FOXN3: variants seen among roughly 807,000 people sequenced by gnomAD.
FOXN3 encodes forkhead box N3, also known as forkhead box protein N3.
A neutral mutation model predicts 38.4 loss-of-function variants in FOXN3; 7 were observed. The observed-to-expected ratio is 0.18, with a 90% CI of 0.10 to 0.34. The LOEUF is 0.34. FOXN3 is among the 10% of genes least tolerant of loss of function. The pLI is 1.00. For missense variants in FOXN3, 456 were observed against 613.4 expected, an observed-to-expected ratio of 0.74 and a Z score of 2.71; for synonymous variants, 230 against 242.2, an observed-to-expected ratio of 0.95 and a Z score of 0.47.
chr14:89,590,751 C>A (rs1365572970), intron 1 of FOXN3, among the ~76,000 whole-genome samples: 1 of 152,174 alleles, frequency 6.6e-6, no homozygotes, highest in African/African-American at 2.4e-5. Context: ...CGAGAGTCAG[C>A]CGTAAAACCT....
At chr14:89,533,536 G>T (rs984877692) in intron 1 of FOXN3, among the ~76,000 whole-genome samples, 1 of 151,970 alleles carries the variant, frequency 6.6e-6, no homozygotes, top group African/African-American at 2.4e-5. Flanking sequence ...GGTGGCGGGG[G>T]CCTGTAGCCC....
intron 1 of FOXN3, among the ~76,000 whole-genome samples, chr14:89,433,221 C>T (rs764252759): frequency 2.0e-5 from 3 of 152,070 alleles, no homozygotes; most frequent in Non-Finnish European, 4.4e-5. Flanking sequence ...CGGTGGCTCA[C>T]ACCTGTAATC....
chr14:89,288,965 T>C (rs1436200524), intron 3 of FOXN3, among the ~76,000 whole-genome samples: 1 of 151,232 alleles, frequency 6.6e-6, no homozygotes, highest in Non-Finnish European at 1.5e-5. Flanking sequence ...GCGGATCCCT[T>C]GAGGCCAGGA....
chr14:89,250,658 C>A (rs1885426857), intron 4 of FOXN3, among the ~76,000 whole-genome samples: 1 of 152,134 alleles, frequency 6.6e-6, no homozygotes, highest in South Asian at 2.1e-4. Context: ...TTCTTCTGTC[C>A]CCAAACTCAT....
chr14:89,580,967 G>A lies in FOXN3; in HGVS notation c.-15+38061C>T, dbSNP rs186478534. On this transcript the variant is annotated intron_variant, in intron 1 of 6. Transcript: ENST00000345097. Reference sequence around the variant, plus strand: ...GGAGGCCGAGGTAGGAGGATCACCTGAGCCAAGAAGTTCAAGACCAGCCTG... The same window carrying A: ...GGAGGCCGAGGTAGGAGGATCACCTAAGCCAAGAAGTTCAAGACCAGCCTG... Among the ~76,000 whole-genome samples, 12 of 151,780 alleles carry A rather than the reference G, an allele frequency of 7.9e-5. No individual in the cohort carries two copies. In the East Asian group the frequency reaches 1.7e-3, roughly 22 times the overall value.
chr14:89,549,693 T>A (rs1421620143), intron 1 of FOXN3, among the ~76,000 whole-genome samples: 1 of 152,234 alleles, frequency 6.6e-6, no homozygotes, highest in Non-Finnish European at 1.5e-5. Context: ...CAAACATCCA[T>A]AACAGAATCG....
chr14:89,300,408 C>T (rs1204308835), intron 3 of FOXN3, among the ~76,000 whole-genome samples: 1 of 152,092 alleles, frequency 6.6e-6, no homozygotes, highest in African/African-American at 2.4e-5. Flanking sequence ...TCTCGAACTC[C>T]TGACCTCAGG....
In FOXN3 at chr14:89,424,736, T is replaced by A. The variant is rs138179859; in HGVS notation, c.-14-12246A>T. On this transcript the variant is annotated intron_variant, in intron 1 of 6. Transcript: ENST00000345097. ...TACAAAAAAAAAAAAAATAGAAAAA[T>A]TAGCCAGGCATGGTGGCACGTGCCT... 7.4e-4 allele frequency among the ~76,000 whole-genome samples: 111 copies of A among 150,852 alleles called. 1 individual carries two copies. The East Asian group carries it at 0.02, about 27-fold the overall frequency.
chr14:89,396,282 A>G (rs1891096542), intron 2 of FOXN3, among the ~76,000 whole-genome samples: 2 of 152,210 alleles, frequency 1.3e-5, no homozygotes, highest in Admixed American at 1.3e-4. Context: ...GTTTATGTCC[A>G]CTTCCAGTTA....
At chr14:89,255,291 A>G (rs376464040) in intron 4 of FOXN3, among the ~76,000 whole-genome samples, 1 of 152,172 alleles carries the variant, frequency 6.6e-6, no homozygotes, top group South Asian at 2.1e-4. Flanking sequence ...CTGATGCCCA[A>G]ATCTCCAACT....
intron 4 of FOXN3, among the ~76,000 whole-genome samples, chr14:89,240,565 A>G (rs1885110231): frequency 6.6e-6 from 1 of 152,214 alleles, no homozygotes; most frequent in Non-Finnish European, 1.5e-5. Context: ...AGAGAAAGCT[A>G]CATGATAAAA....
intron 4 of FOXN3, among the ~76,000 whole-genome samples, chr14:89,241,737 G>A (rs1212737613): frequency 2.0e-5 from 3 of 152,182 alleles, no homozygotes; most frequent in African/African-American, 7.2e-5. Context: ...TCAAGGCTCT[G>A]GGATACAGCA....
rs147307951 is a variant in FOXN3 at position 89,319,771 on chromosome 14, A to T, written c.680+30901T>A. On this transcript the variant is annotated intron_variant, in intron 3 of 5. Transcript: ENST00000557258. Reference sequence around the variant, plus strand: ...ATACATGGGATGTCTTACACGCAACATCCAAGTGCTCAGATTTTATACAAG... The same window carrying T: ...ATACATGGGATGTCTTACACGCAACTTCCAAGTGCTCAGATTTTATACAAG... 8.1e-3 allele frequency among the ~76,000 whole-genome samples: 1,232 copies of T among 152,332 alleles called. 8 individuals are homozygous for T. The highest frequency in any genetic ancestry group is 0.013 in the Non-Finnish European group (852 of 68,040).
intron 3 of FOXN3, among the ~76,000 whole-genome samples, chr14:89,288,673 T>G (rs1180927957): frequency 0.2 from 11,363 of 55,740 alleles, 1,347 homozygotes; most frequent in Admixed American, 0.23. Flanking sequence ...ACTCTCTTTC[T>G]CTCTCTCTCT....
At chr14:89,575,785 T>G (rs984908422) in intron 1 of FOXN3, among the ~76,000 whole-genome samples, 1 of 152,226 alleles carries the variant, frequency 6.6e-6, no homozygotes, top group Non-Finnish European at 1.5e-5. Context: ...CACGCTTTTG[T>G]CTACTTTGGG....
chr14:89,181,881 T>C (rs1887683157), intron 4 of FOXN3, among the ~76,000 whole-genome samples: 1 of 152,222 alleles, frequency 6.6e-6, no homozygotes, highest in African/African-American at 2.4e-5. Context: ...GGGTGAGCTT[T>C]CATCTGAGTT....
intron 1 of FOXN3, among the ~76,000 whole-genome samples, chr14:89,506,590 C>T (rs1465948603): frequency 1.3e-5 from 2 of 152,042 alleles, no homozygotes; most frequent in East Asian, 3.9e-4. Context: ...AAGTGAGGAG[C>T]CCCTCTGCCC....
At chr14:89,189,277 T>C (rs1887884928) in intron 4 of FOXN3, among the ~76,000 whole-genome samples, 1 of 152,148 alleles carries the variant, frequency 6.6e-6, no homozygotes, top group Admixed American at 6.5e-5. Flanking sequence ...TGAGGATGGA[T>C]GTTTTCCTGT....
rs557179608 is a variant in FOXN3, at chr14:89,607,202, C to T, written c.-15+11826G>A. Among the ~76,000 whole-genome samples the T allele has an allele frequency of 2.4e-3, 359 of 152,238 alleles. 4 individuals carry two copies. The highest frequency in any genetic ancestry group is 8.4e-3 in the African/African-American group (350 of 41,538). On this transcript the variant is annotated intron_variant, in intron 1 of 6. Coordinates refer to the FOXN3 transcript ENST00000345097. ...CATTAAGATGCTGGAGAGCAGTGAGCTTGCCTCAAGATCTGTTGTGGCCAG... is the reference window on the plus strand; with the variant it reads ...CATTAAGATGCTGGAGAGCAGTGAGTTTGCCTCAAGATCTGTTGTGGCCAG...
Sources: gnomAD v4.1 joint callset for allele counts (sites outside exome capture counted in the v4.1 genomes callset) on GRCh38, gnomAD v4.1.1 for gene constraint, MANE v1.5 for transcripts, NCBI Gene and HGNC (gene_info 2026-07-23, HGNC 2026-07-21) for gene names.